Variants in DOCK1 observed in about 807,000 individuals in gnomAD.
DOCK1 encodes dedicator of cytokinesis 1.
DOCK1 carries 138 observed loss-of-function variants against 262.7 expected under a neutral mutation model. That is an observed-to-expected ratio of 0.53 (90% CI 0.46 to 0.61). The LOEUF (loss-of-function observed/expected upper bound fraction) is 0.61. DOCK1 is among the 20% of genes least tolerant of loss of function. The pLI is 0.00. For synonymous variants in DOCK1, 866 were observed against 867.4 expected, an observed-to-expected ratio of 1.00 and a Z score of 0.03; for missense variants, 1,908 against 2,370.7, an observed-to-expected ratio of 0.80 and a Z score of 4.05.
chr10:127,244,888 G>C (rs185933421), intron 27 of DOCK1, among the ~76,000 whole-genome samples: 15 of 152,300 alleles, frequency 9.8e-5, no homozygotes, highest in African/African-American at 3.4e-4. Context: ...GAAGATAAAA[G>C]CTTCATTTAG....
At chr10:126,938,869 G>C (rs1329111723) in intron 1 of DOCK1, among the ~76,000 whole-genome samples, 7 of 108,070 alleles carry the variant, frequency 6.5e-5, no homozygotes, top group African/African-American at 2.5e-4. Flanking sequence ...ATGAGCACTG[G>C]AGGGGATGAA....
At chr10:126,919,589 C>T (rs1387369115) in intron 1 of DOCK1, among the ~76,000 whole-genome samples, 2 of 152,148 alleles carry the variant, frequency 1.3e-5, no homozygotes, top group African/African-American at 4.8e-5. Flanking sequence ...ACTTAGGTGA[C>T]CCCGATGACG....
chr10:127,002,736 T>C (rs2040682909), intron 10 of DOCK1, among the ~76,000 whole-genome samples: 1 of 152,200 alleles, frequency 6.6e-6, no homozygotes, highest in South Asian at 2.1e-4. Context: ...TTTGGATGCC[T>C]GGCTGTGTGG....
intron 6 of DOCK1, among the ~76,000 whole-genome samples, chr10:126,994,886 A>T (rs10764897): frequency 0.37 from 56,014 of 151,334 alleles, 10,616 homozygotes; most frequent in East Asian, 0.58. Context: ...CACTTCCCAG[A>T]CGGGGCGGCC....
At chr10:126,959,597 C>T (rs1416861557) in intron 1 of DOCK1, among the ~76,000 whole-genome samples, 3 of 152,142 alleles carry the variant, frequency 2.0e-5, no homozygotes, top group Non-Finnish European at 4.4e-5. Flanking sequence ...CCAGGTGGGC[C>T]CTGGATCAGA....
At chr10:127,202,612 CTTG>C (rs1198670854) in intron 27 of DOCK1, among the ~76,000 whole-genome samples, 2 of 152,162 alleles carry the variant, frequency 1.3e-5, no homozygotes, top group East Asian at 1.9e-4. Flanking sequence ...TGGAAGCCTC[CTTG>C]TTGTACTTTT....
At chr10:127,106,407 G>T in intron 24 of DOCK1, 106 bp downstream of exon 24, 3 of 1,187,948 alleles carry the variant, frequency 2.5e-6, no homozygotes, top group Non-Finnish European at 3.6e-6. Flanking sequence ...GTCTCCATAT[G>T]TCAGTGCCCT....
intron 30 of DOCK1, among the ~76,000 whole-genome samples, chr10:127,339,964 G>A (rs575919255): frequency 6.6e-6 from 1 of 152,202 alleles, no homozygotes; most frequent in East Asian, 1.9e-4. Flanking sequence ...AAAGGAACCC[G>A]AAGGATTTTT....
chr10:127,257,295 T>C (rs1340840902), intron 28 of DOCK1, 40 bp from the exon 29 acceptor site: 6 of 1,506,098 alleles, frequency 4.0e-6, no homozygotes, highest in Middle Eastern at 3.5e-4. Flanking sequence ...TTTACCTTTT[T>C]CTTTGTGGGC....
intron 27 of DOCK1, among the ~76,000 whole-genome samples, chr10:127,139,734 A>T (rs1460022492): frequency 1.3e-5 from 2 of 152,116 alleles, no homozygotes; most frequent in East Asian, 1.9e-4. Context: ...TTAAACTTCA[A>T]TTCTTTCACT....
chr10:127,219,936 T>C (rs974752006), intron 27 of DOCK1, among the ~76,000 whole-genome samples: 1 of 152,134 alleles, frequency 6.6e-6, no homozygotes, highest in East Asian at 1.9e-4. Flanking sequence ...CTGTGCACCA[T>C]TCACAGGATA....
chr10:126,936,006 G>A (rs1041814184), intron 1 of DOCK1, among the ~76,000 whole-genome samples: 9 of 152,190 alleles, frequency 5.9e-5, no homozygotes, highest in Admixed American at 5.9e-4. Flanking sequence ...TTTTAGACAA[G>A]GCCTCACTTT....
chr10:127,182,669 T>G (rs1458189550), intron 27 of DOCK1, among the ~76,000 whole-genome samples: 1 of 152,208 alleles, frequency 6.6e-6, no homozygotes, highest in Admixed American at 6.5e-5. Context: ...TTGCAGCAGT[T>G]AGCTATGCCA....
At chr10:126,918,900 G>A (rs2032834109) in intron 1 of DOCK1, among the ~76,000 whole-genome samples, 1 of 151,854 alleles carries the variant, frequency 6.6e-6, no homozygotes, top group Admixed American at 6.6e-5. Flanking sequence ...CGGAGGATTC[G>A]GACAGGTGGG....
intron 27 of DOCK1, among the ~76,000 whole-genome samples, chr10:127,196,748 G>A (rs1307783902): frequency 7.0e-6 from 1 of 142,524 alleles, no homozygotes; most frequent in South Asian, 2.3e-4. Flanking sequence ...GGTGGAAGGA[G>A]CTGCCGCCGG....
In DOCK1 at chr10:127,251,624, A is replaced by G. The variant is rs536112832; in HGVS notation, c.2949+3515A>G. On this transcript the variant is annotated intron_variant, in intron 28 of 51. Transcript: ENST00000623213. ...TCAATTCCCACCTATGAGTGAGAAC[A>G]TGCGGTGTTTGGTTTTTTGTCCTTG... Among the ~76,000 whole-genome samples, 235 of 146,208 alleles carry G rather than the reference A, an allele frequency of 1.6e-3. 3 individuals carry two copies. Among genetic ancestry groups the G allele is most frequent in the African/African-American group, 5.6e-3 (224 of 39,704 alleles).
chr10:127,060,884 T>A (rs1465726791), intron 22 of DOCK1, among the ~76,000 whole-genome samples: 1 of 152,184 alleles, frequency 6.6e-6, no homozygotes, highest in African/African-American at 2.4e-5. Context: ...CATGGTAAAT[T>A]TAGGCAATGG....
intron 7 of DOCK1, among the ~76,000 whole-genome samples, chr10:126,997,259 A>G (rs4751006): frequency 0.089 from 13,574 of 152,176 alleles, 669 homozygotes; most frequent in Admixed American, 0.14. Context: ...TTCGTCTTCT[A>G]TGATCTTTAA....
At chr10:127,422,920 G>A (rs2068600763) in intron 46 of DOCK1, among the ~76,000 whole-genome samples, 1 of 152,064 alleles carries the variant, frequency 6.6e-6, no homozygotes, top group Non-Finnish European at 1.5e-5. Context: ...TCCTACAGAG[G>A]AAAATAATTT....
Sources: gnomAD v4.1 joint callset for allele counts (sites outside exome capture counted in the v4.1 genomes callset) on GRCh38, gnomAD v4.1.1 for gene constraint, MANE v1.5 for transcripts, NCBI Gene and HGNC (gene_info 2026-07-23, HGNC 2026-07-21) for gene names.